Variants in MALRD1 observed in about 807,000 individuals in gnomAD.
MALRD1 encodes the protein MAM and LDL-receptor class A domain-containing protein 1.
A neutral mutation model predicts 242.1 loss-of-function variants in MALRD1; 247 were observed. The ratio of observed to expected loss-of-function variants is 1.02; its 90% confidence interval spans 0.92 to 1.13. The LOEUF is 1.13. Ranked by LOEUF, MALRD1 falls within the 50% of genes most tolerant of loss-of-function variation. The pLI is 0.00. For missense variants in MALRD1, 2,989 were observed against 2,533.1 expected (o/e 1.18, Z -3.86); for synonymous variants, 995 against 866.6 (o/e 1.15, Z -2.60).
At chr10:19,108,980 T>A (rs1232581119) in intron 5 of MALRD1, among the ~76,000 whole-genome samples, 1 of 152,164 alleles carries the variant, frequency 6.6e-6, no homozygotes, top group African/African-American at 2.4e-5. Flanking sequence ...GGGGAAATAT[T>A]TTCACCTGTG....
At chr10:19,437,248 C>T (rs192800957) in intron 28 of MALRD1, among the ~76,000 whole-genome samples, 12 of 152,040 alleles carry the variant, frequency 7.9e-5, no homozygotes, top group East Asian at 3.9e-4. Context: ...CTTTGTTCTT[C>T]GTTTTATTTT....
chr10:19,172,301 A>C (rs970651172), intron 13 of MALRD1, among the ~76,000 whole-genome samples: 2 of 151,276 alleles, frequency 1.3e-5, no homozygotes, highest in Non-Finnish European at 3.0e-5. Context: ...GTCATTATTT[A>C]CAGGTGTAAC....
At chr10:19,602,365 G>A (rs1297585079) in intron 34 of MALRD1, among the ~76,000 whole-genome samples, 2 of 127,622 alleles carry the variant, frequency 1.6e-5, no homozygotes, top group African/African-American at 3.2e-5. Flanking sequence ...CCTATGACAG[G>A]CCCCGGTGTG....
chr10:19,299,572 A>G (rs926656447), intron 21 of MALRD1, among the ~76,000 whole-genome samples: 32 of 149,114 alleles, frequency 2.1e-4, no homozygotes, highest in Middle Eastern at 3.4e-3. Context: ...GTATACACAA[A>G]TCAATAAATG....
chr10:19,231,289 C>G (rs1374592897), intron 18 of MALRD1, among the ~76,000 whole-genome samples: 5 of 152,120 alleles, frequency 3.3e-5, no homozygotes, highest in Non-Finnish European at 7.4e-5. Flanking sequence ...TCCCTTTATC[C>G]AATTCAGCTT....
chr10:19,107,107 A>G (rs1465948863), intron 5 of MALRD1, among the ~76,000 whole-genome samples: 1 of 151,978 alleles, frequency 6.6e-6, no homozygotes, highest in African/African-American at 2.4e-5. Flanking sequence ...TTTTGTAATT[A>G]TCGAGCAGAA....
At chr10:19,517,814 G>A (rs763536987) in intron 31 of MALRD1, among the ~76,000 whole-genome samples, 3 of 152,218 alleles carry the variant, frequency 2.0e-5, no homozygotes, top group African/African-American at 4.8e-5. Context: ...GCCTTCACTT[G>A]TTGCAAGAGA....
At chr10:19,559,891 G>C (rs1835889105) in intron 32 of MALRD1, among the ~76,000 whole-genome samples, 1 of 152,262 alleles carries the variant, frequency 6.6e-6, no homozygotes, top group South Asian at 2.1e-4. Context: ...ATGAAAAAAA[G>C]CTCATCATCA....
At chr10:19,101,836 C>G (rs1033376549) in intron 4 of MALRD1, among the ~76,000 whole-genome samples, 7 of 135,186 alleles carry the variant, frequency 5.2e-5, no homozygotes, top group Admixed American at 1.6e-4. Context: ...TATGTTATAT[C>G]TCTACTTGGA....
chr10:19,463,572 G>A (rs868744247), intron 29 of MALRD1, among the ~76,000 whole-genome samples: 123 of 65,590 alleles, frequency 1.9e-3, no homozygotes, highest in Admixed American at 0.012. Flanking sequence ...GTGTGTGTGT[G>A]TGTGTGTGTG....
rs867218585 is a variant in MALRD1 at position 19,108,410 on chromosome 10, T to C, written c.694+4335T>C. The stretch of plus-strand genomic sequence containing the variant: ...TTCTTTTTTTTTTTTTTTTTTTTTT[T>C]TTTTTTTTTTTTTTTAAGACGGAGT... On this transcript the variant is annotated intron_variant, in intron 5 of 39. Transcript: ENST00000454679. 3.7e-4 allele frequency among the ~76,000 whole-genome samples: 7 copies of C among 19,104 alleles called. 1 individual carries two copies. Among genetic ancestry groups the C allele is most frequent in the African/African-American group, 3.1e-3 (7 of 2,242 alleles). The allele number at this position is 19,104 out of a possible 152,430, so 12.5% of individuals were successfully genotyped here. A position where few individuals can be genotyped will look rare whatever the true frequency, so the allele number is the denominator to read the frequency against.
intron 21 of MALRD1, among the ~76,000 whole-genome samples, chr10:19,303,178 G>C (rs936052114): frequency 6.6e-6 from 1 of 151,540 alleles, no homozygotes; most frequent in African/African-American, 2.4e-5. Flanking sequence ...CAACAAGTTT[G>C]AAAATAGTAT....
intron 36 of MALRD1, 134 bp from the exon 37 acceptor site, chr10:19,692,148 T>C (rs1368682672): frequency 7.3e-6 from 5 of 685,616 alleles, no homozygotes; most frequent in Non-Finnish European, 1.1e-5. Context: ...AAGTTTTTGG[T>C]TTTTTATCAA....
intron 28 of MALRD1, among the ~76,000 whole-genome samples, chr10:19,448,062 G>A (rs961467175): frequency 1.3e-5 from 2 of 152,120 alleles, no homozygotes; most frequent in South Asian, 2.1e-4. Context: ...AGAACCACTT[G>A]ATCAAACATC....
At chr10:19,663,702 C>T (rs1841545365) in intron 36 of MALRD1, among the ~76,000 whole-genome samples, 3 of 152,122 alleles carry the variant, frequency 2.0e-5, no homozygotes, top group Admixed American at 1.3e-4. Context: ...CTCAGACAGA[C>T]AGCATCCGGC....
At chr10:19,103,414 A>T (rs1391992166) in intron 4 of MALRD1, among the ~76,000 whole-genome samples, 1 of 152,002 alleles carries the variant, frequency 6.6e-6, no homozygotes, top group South Asian at 2.1e-4. Flanking sequence ...ACAAAAAATT[A>T]GCCGGGCGCG....
chr10:19,071,731 C>G (rs1049323555), intron 2 of MALRD1, among the ~76,000 whole-genome samples: 1 of 152,104 alleles, frequency 6.6e-6, no homozygotes, highest in African/African-American at 2.4e-5. Flanking sequence ...CTGCTACATA[C>G]AGGGTGAGTT....
intron 11 of MALRD1, among the ~76,000 whole-genome samples, chr10:19,154,313 C>T (rs919899473): frequency 7.2e-5 from 11 of 152,134 alleles, no homozygotes; most frequent in African/African-American, 2.7e-4. Flanking sequence ...TCGGCATTGA[C>T]TTGTATCTAG....
At chr10:19,464,839 G>A (rs182278167) in intron 29 of MALRD1, among the ~76,000 whole-genome samples, 131 of 152,214 alleles carry the variant, frequency 8.6e-4, no homozygotes, top group African/African-American at 2.8e-3. Flanking sequence ...ACCCATCCCC[G>A]AACATGGGAC....
Sources: gnomAD v4.1 joint callset for allele counts (sites outside exome capture counted in the v4.1 genomes callset) on GRCh38, gnomAD v4.1.1 for gene constraint, MANE v1.5 for transcripts, NCBI Gene and HGNC (gene_info 2026-07-23, HGNC 2026-07-21) for gene names.